PCDH7: variants seen among roughly 807,000 people sequenced by gnomAD.
The protein encoded by PCDH7 is protocadherin-7.
A neutral mutation model predicts 58.9 loss-of-function variants in PCDH7; 17 were observed. The observed-to-expected ratio is 0.29, with a 90% CI of 0.20 to 0.43. PCDH7 has a LOEUF of 0.43. Ranked by LOEUF, PCDH7 falls within the 20% of genes least tolerant of loss-of-function variation. PCDH7 has a pLI of 1.00. For missense variants in PCDH7, 1,274 were observed against 1,441.0 expected, an observed-to-expected ratio of 0.88 and a Z score of 1.88; for synonymous variants, 664 against 616.4, an observed-to-expected ratio of 1.08 and a Z score of -1.14.
intron 3 of PCDH7, among the ~76,000 whole-genome samples, chr4:31,116,947 C>T (rs768502465): frequency 5.6e-4 from 85 of 152,172 alleles, no homozygotes; most frequent in Non-Finnish European, 1.1e-3. Flanking sequence ...GTGATTCTCC[C>T]GCCTCAGACT....
At chr4:30,906,731 G>A (rs1219588336) in intron 1 of PCDH7, among the ~76,000 whole-genome samples, 1 of 152,134 alleles carries the variant, frequency 6.6e-6, no homozygotes, top group Non-Finnish European at 1.5e-5. Context: ...TTAAAAATAA[G>A]TAGATTATGG....
exon 4 of PCDH7, chr4:31,142,943 G>A: frequency 1.0e-6 from 1 of 960,574 alleles, no homozygotes; most frequent in Non-Finnish European, 1.4e-6. Flanking sequence ...TCACAAAGAG[G>A]GGGCTACCAA....
At chr4:31,056,244 T>C (rs1757153244) in intron 3 of PCDH7, among the ~76,000 whole-genome samples, 1 of 151,772 alleles carries the variant, frequency 6.6e-6, no homozygotes, top group African/African-American at 2.4e-5. Flanking sequence ...GGCATACGCC[T>C]GTGGCCCCAG....
chr4:30,899,201 G>T (rs2109392819), intron 1 of PCDH7, among the ~76,000 whole-genome samples: 1 of 152,168 alleles, frequency 6.6e-6, no homozygotes, highest in Admixed American at 6.5e-5. Flanking sequence ...TTTTGAGAAT[G>T]ACTGTCCAGA....
chr4:30,894,092 T>C (rs368535583), intron 1 of PCDH7, among the ~76,000 whole-genome samples: 2 of 152,282 alleles, frequency 1.3e-5, no homozygotes, highest in South Asian at 2.1e-4. Flanking sequence ...TATTATATTT[T>C]GTTCTTAAGA....
intron 3 of PCDH7, among the ~76,000 whole-genome samples, chr4:31,066,988 T>C (rs1758143414): frequency 6.6e-6 from 1 of 151,974 alleles, no homozygotes; most frequent in Non-Finnish European, 1.5e-5. Context: ...GAGAACCAGT[T>C]ACTGATCATG....
chr4:30,721,142 G>A lies in PCDH7; in HGVS notation c.-281G>A, dbSNP rs1474700411. ...TGAACTGTGAGTACTGCGACTGAAC[G>A]GCGGCAGGCGAGCGGGCGATTAGCA... On this transcript the variant is annotated 5_prime_UTR_variant, in exon 1 of 2. Transcript: ENST00000361762. This position sits in a 1 kb window ranked among gnomAD's most constrained non-coding sequence, Gnocchi z 6.7. 4.5e-6 allele frequency: 2 copies of A among 444,576 alleles called. No individual in the cohort carries two copies. Among genetic ancestry groups the A allele is most frequent in the Admixed American group, 8.1e-5 (2 of 24,622 alleles). 27.5% of individuals were successfully genotyped at this position (444,576 alleles called of 1,614,324 possible).
chr4:30,927,397 G>A (rs939595557), intron 2 of PCDH7, among the ~76,000 whole-genome samples: 3 of 151,856 alleles, frequency 2.0e-5, no homozygotes, highest in East Asian at 1.9e-4. Flanking sequence ...TGACAATGGC[G>A]GTTTTGTGGA....
At chr4:30,749,986 T>G (rs1718292662) in intron 1 of PCDH7, among the ~76,000 whole-genome samples, 1 of 152,146 alleles carries the variant, frequency 6.6e-6, no homozygotes, top group East Asian at 1.9e-4. Flanking sequence ...AGTAAATAAC[T>G]GAAAGTAATC....
chr4:30,948,591 A>T (rs192853157), intron 2 of PCDH7, among the ~76,000 whole-genome samples: 35 of 152,276 alleles, frequency 2.3e-4, no homozygotes, highest in African/African-American at 7.9e-4. Context: ...AAATTATAGA[A>T]ATTTATAGAA....
intron 3 of PCDH7, among the ~76,000 whole-genome samples, chr4:31,011,413 G>T (rs562519808): frequency 6.6e-6 from 1 of 151,880 alleles, no homozygotes; most frequent in African/African-American, 2.4e-5. Flanking sequence ...TCCTTTCCAG[G>T]CATGTGTCTA....
chr4:30,915,875 A>G (rs1742405055), intron 1 of PCDH7, among the ~76,000 whole-genome samples: 1 of 152,090 alleles, frequency 6.6e-6, no homozygotes, highest in African/African-American at 2.4e-5. Flanking sequence ...TATGGAATCC[A>G]TAATCAACTC....
chr4:31,047,322 C>T (rs1047568642), intron 3 of PCDH7, among the ~76,000 whole-genome samples: 1 of 152,056 alleles, frequency 6.6e-6, no homozygotes. Flanking sequence ...GCATGATTGA[C>T]AATTTGTAAG....
At chr4:30,802,254 T>C (rs543341463) in intron 1 of PCDH7, among the ~76,000 whole-genome samples, 15 of 151,896 alleles carry the variant, frequency 9.9e-5, no homozygotes, top group South Asian at 2.1e-4. Context: ...CTATTTTATA[T>C]AGCATTTCTA....
chr4:30,894,347 C>G (rs1328685484), intron 1 of PCDH7, among the ~76,000 whole-genome samples: 1 of 148,550 alleles, frequency 6.7e-6, no homozygotes, highest in African/African-American at 2.5e-5. Context: ...AAAGGGTACA[C>G]TAGTGAATGA....
In PCDH7 at chr4:30,840,325, A is replaced by G. The variant is rs145573958; in HGVS notation, c.71-79828A>G. The stretch of plus-strand genomic sequence containing the variant: ...TCTTTCCACTTCTTTTCTCATTTGG[A>G]CTTGGCAGGAATGCCTTAGCTCAGT... On this transcript the variant is annotated intron_variant, in intron 1 of 3. Transcript: ENST00000509759. 2.2e-3 allele frequency among the ~76,000 whole-genome samples: 332 copies of G among 151,810 alleles called. 2 individuals are homozygous for G. Among genetic ancestry groups the G allele is most frequent in the South Asian group, 6.7e-3 (32 of 4,812 alleles).
intron 1 of PCDH7, among the ~76,000 whole-genome samples, chr4:30,909,815 G>GA (rs1001195776): frequency 2.0e-5 from 3 of 151,956 alleles, no homozygotes; most frequent in Admixed American, 6.6e-5. Context: ...CACAGCATTA[G>GA]AAAAAAATAC....
chr4:30,968,376 C>CTATCTATA (rs1749218988), intron 3 of PCDH7, among the ~76,000 whole-genome samples: 1 of 67,066 alleles, frequency 1.5e-5, no homozygotes. Context: ...TATACACACA[C>CTATCTATA]TATATATATA....
intron 1 of PCDH7, among the ~76,000 whole-genome samples, chr4:30,886,550 T>C (rs1388102808): frequency 2.0e-5 from 3 of 148,352 alleles, no homozygotes; most frequent in Non-Finnish European, 4.5e-5. Context: ...TCAACCATTG[T>C]GGAAGTCAGT....
Sources: gnomAD v4.1 joint callset for allele counts (sites outside exome capture counted in the v4.1 genomes callset) on GRCh38, gnomAD v4.1.1 for gene constraint, Gnocchi (gnomAD v3.1) non-coding constraint, MANE v1.5 for transcripts, NCBI Gene and HGNC (gene_info 2026-07-23, HGNC 2026-07-21) for gene names.